TEX11: variants seen among roughly 807,000 people sequenced by gnomAD.
The protein encoded by TEX11 is testis expressed 11.
In TEX11, 7 loss-of-function variants were observed where a neutral mutation model predicts 84.4. The observed-to-expected ratio is 0.08, with a 90% CI of 0.05 to 0.16. The LOEUF is 0.16. TEX11 is among the 10% of genes least tolerant of loss of function. The pLI is 1.00. For synonymous variants in TEX11, 264 were observed against 222.8 expected (o/e 1.18, Z -1.64); for missense variants, 551 against 660.5 (o/e 0.83, Z 1.82).
chrX:70,843,938 C>CA (rs892572810), intron 7 of TEX11, among the ~76,000 whole-genome samples: 3 of 111,142 alleles, frequency 2.7e-5, no homozygotes, highest in Non-Finnish European at 3.8e-5. Context: ...GTTAGAATGG[C>CA]ATCATTAAAA....
chrX:70,570,126 C>T (rs772416966), intron 25 of TEX11, among the ~76,000 whole-genome samples: 101 of 111,908 alleles, frequency 9.0e-4, no homozygotes, highest in African/African-American at 3.1e-3. Context: ...ACCCCTCCCC[C>T]GGCCTCGCTG....
chrX:70,666,938 T>C (rs2089981166), intron 16 of TEX11, among the ~76,000 whole-genome samples: 1 of 112,237 alleles, frequency 8.9e-6, no homozygotes, highest in South Asian at 3.7e-4. Context: ...AAACATTTAA[T>C]ATCACCCTTT....
chrX:70,885,292 G>C (rs1293130703), intron 2 of TEX11, among the ~76,000 whole-genome samples: 1 of 111,250 alleles, frequency 9.0e-6, no homozygotes, highest in Non-Finnish European at 1.9e-5. Context: ...CCAAACAAAG[G>C]AACAAGATAA....
chrX:70,753,034 G>A (rs1050640031), intron 9 of TEX11, among the ~76,000 whole-genome samples: 4 of 110,399 alleles, frequency 3.6e-5, no homozygotes, highest in Non-Finnish European at 5.7e-5. Context: ...GAATGGAATT[G>A]CTGATCCTAG....
At chrX:70,652,712 A>G (rs954874141) in intron 16 of TEX11, among the ~76,000 whole-genome samples, 4 of 111,664 alleles carry the variant, frequency 3.6e-5, no homozygotes, top group Non-Finnish European at 7.5e-5. Context: ...GAAATGAAAA[A>G]CCCAATTACC....
At chrX:70,889,579 A>C (rs2147879381) in intron 2 of TEX11, among the ~76,000 whole-genome samples, 1 of 111,981 alleles carries the variant, frequency 8.9e-6, no homozygotes, top group African/African-American at 3.2e-5. Context: ...TAACAACTAC[A>C]ACTTTTCCAG....
intron 20 of TEX11, among the ~76,000 whole-genome samples, chrX:70,623,588 C>G (rs1266053587): frequency 9.0e-6 from 1 of 111,721 alleles, no homozygotes; most frequent in Non-Finnish European, 1.9e-5. Context: ...TTATTAAGTT[C>G]CTGACACTTC....
chrX:70,796,462 T>C (rs191570883), intron 9 of TEX11, among the ~76,000 whole-genome samples: 32 of 111,880 alleles, frequency 2.9e-4, no homozygotes, highest in African/African-American at 9.4e-4. Flanking sequence ...TTCCCAAACC[T>C]AGAGAGATAT....
chrX:70,616,083 C>G (rs1438055147), intron 20 of TEX11, among the ~76,000 whole-genome samples: 4 of 111,042 alleles, frequency 3.6e-5, no homozygotes, highest in Non-Finnish European at 1.9e-5. Flanking sequence ...AAAAAAGCAT[C>G]TGAAGGTACA....
At position 70,737,181 on chromosome X, in the gene TEX11, G is replaced by A. The variant is rs1448364964; in HGVS notation, c.843+3520C>T. The stretch of plus-strand genomic sequence containing the variant: ...AAAAATAAACCAAATCAAACTTTTA[G>A]AGATAAAAACTACAAAGTCTGAAAT... On this transcript the variant is annotated intron_variant, in intron 11 of 29. Transcript: ENST00000374333. Among the ~76,000 whole-genome samples, 3 of 111,330 alleles carry A rather than the reference G, an allele frequency of 2.7e-5. No individual in the cohort carries two copies. In the East Asian group the frequency reaches 8.4e-4, roughly 31 times the overall value.
intron 2 of TEX11, among the ~76,000 whole-genome samples, chrX:70,884,450 T>C (rs2091697966): frequency 9.0e-6 from 1 of 111,558 alleles, no homozygotes; most frequent in Admixed American, 9.6e-5. Flanking sequence ...ATAGCTCTGA[T>C]TGTGGGCTAA....
intron 16 of TEX11, among the ~76,000 whole-genome samples, chrX:70,657,699 G>A (rs1306410464): frequency 1.8e-5 from 2 of 109,809 alleles, no homozygotes; most frequent in Admixed American, 1.9e-4. Flanking sequence ...TGATAGACTG[G>A]ATTAAGAAAA....
intron 25 of TEX11, among the ~76,000 whole-genome samples, chrX:70,563,966 C>T (rs779874007): frequency 2.7e-5 from 3 of 112,190 alleles, no homozygotes; most frequent in Non-Finnish European, 5.6e-5. Flanking sequence ...TGGTGGTCCA[C>T]GCCTGTAATC....
chrX:70,552,387 A>G, intron 27 of TEX11, 141 bp from the exon 28 acceptor site: 1 of 720,407 alleles, frequency 1.4e-6, no homozygotes, highest in Non-Finnish European at 2.0e-6. Flanking sequence ...TCTGGCCTCC[A>G]ACCTCAGAAG....
chrX:70,657,599 C>A (rs2089882025), intron 16 of TEX11, among the ~76,000 whole-genome samples: 1 of 110,465 alleles, frequency 9.1e-6, no homozygotes, highest in Admixed American at 9.7e-5. Context: ...AAAAATAAAT[C>A]ATGCTGCTAT....
intron 13 of TEX11, among the ~76,000 whole-genome samples, chrX:70,717,564 C>T (rs1041128709): frequency 1.8e-5 from 2 of 111,810 alleles, no homozygotes; most frequent in Non-Finnish European, 3.8e-5. Context: ...GGCAATCCAT[C>T]TTCCTCAGCT....
chrX:70,601,843 A>AG (rs1398016848), intron 24 of TEX11, among the ~76,000 whole-genome samples: 2 of 106,386 alleles, frequency 1.9e-5, no homozygotes, highest in Non-Finnish European at 3.9e-5. Context: ...CAGAGAGCAC[A>AG]GGGTTGGGGA....
chrX:70,649,257 A>G (rs901205355), intron 17 of TEX11, among the ~76,000 whole-genome samples: 6 of 111,928 alleles, frequency 5.4e-5, no homozygotes, highest in African/African-American at 2.0e-4. Flanking sequence ...TGGGTCAAAT[A>G]GTATTTCCGG....
In TEX11 at chrX:70,606,946, A is replaced by G; in HGVS notation, c.1950+13T>C. Reference sequence around the variant, plus strand: ...GTGGTCCATACATGAGATACTTATTAAAAGAAACTTACCTTATAAGAAAGT... The same window carrying G: ...GTGGTCCATACATGAGATACTTATTGAAAGAAACTTACCTTATAAGAAAGT... On this transcript the variant is annotated intron_variant, in intron 23 of 29. Transcript: ENST00000374333. 8.7e-7 allele frequency: 1 copy of G among 1,149,098 alleles called. No individual in the cohort carries two copies. Among genetic ancestry groups the G allele is most frequent in the Non-Finnish European group, 1.2e-6 (1 of 848,940 alleles). 94.7% of individuals were successfully genotyped at this position (1,149,098 alleles called of 1,213,427 possible).
Sources: allele counts gnomAD v4.1 joint callset (sites outside exome capture counted in the v4.1 genomes callset), GRCh38; gene constraint gnomAD v4.1.1; transcripts MANE v1.5; gene names NCBI Gene and HGNC (gene_info 2026-07-23, HGNC 2026-07-21).